The following KNL1 variants were observed in gnomAD, a reference collection of about 807,000 sequenced individuals.
KNL1 encodes the protein kinetochore scaffold 1.
In KNL1, 66 loss-of-function variants were observed where a neutral mutation model predicts 201.3. That is an observed-to-expected ratio of 0.33 (90% CI 0.27 to 0.40). The LOEUF (loss-of-function observed/expected upper bound fraction) is 0.40, where lower values mean the gene tolerates loss of function less well. Ranked by LOEUF, KNL1 falls within the 10% of genes least tolerant of loss-of-function variation. The probability of loss-of-function intolerance (pLI) is 1.00; values close to 1 mark genes in which losing one functional copy is unlikely to be tolerated. For missense variants in KNL1, 2,815 were observed against 2,690.5 expected (o/e 1.05, Z -1.02); for synonymous variants, 895 against 899.2 (o/e 1.00, Z 0.08).
chr15:40,608,214 C>T (rs1892037618), intron 4 of KNL1, among the ~76,000 whole-genome samples: 1 of 152,016 alleles, frequency 6.6e-6, no homozygotes, highest in Admixed American at 6.6e-5. Flanking sequence ...TGGCTCATGC[C>T]TGTAATCCTA....
intron 20 of KNL1, 94 bp downstream of exon 20, chr15:40,651,666 G>T: frequency 1.2e-6 from 1 of 855,758 alleles, no homozygotes. Context: ...TTAATGTGTT[G>T]CTGTTTTTAA....
intron 1 of KNL1, among the ~76,000 whole-genome samples, chr15:40,595,730 C>T (rs1008494994): frequency 1.4e-4 from 22 of 152,228 alleles, no homozygotes; most frequent in African/African-American, 5.1e-4. Flanking sequence ...GACTATGGAG[C>T]ACTTGAAATG....
chr15:40,619,938 C>A (rs1892460813), intron 9 of KNL1, among the ~76,000 whole-genome samples: 1 of 152,026 alleles, frequency 6.6e-6, no homozygotes, highest in South Asian at 2.1e-4. Flanking sequence ...ATTTCTTTTT[C>A]TTTTCCTAAT....
rs11368953 is a variant in KNL1, at chr15:40,629,471, CTTTTTT to C, written c.5682+111_5682+116del. 1.8e-4 allele frequency: 35 copies of C among 192,176 alleles called. 2 individuals carry two copies. The highest frequency in any genetic ancestry group is 1.8e-3 in the Middle Eastern group (1 of 550). 11.9% of individuals were successfully genotyped at this position (192,176 alleles called of 1,614,324 possible). Reference sequence around the variant, plus strand: ...AGCAAATTTTCCTATAGAGAGTTTTCTTTTTTTTTTTTTTTTGCCTTTTCTTTTTTT... The same window carrying C: ...AGCAAATTTTCCTATAGAGAGTTTTCTTTTTTTTTTGCCTTTTCTTTTTTT... On this transcript the variant is annotated intron_variant, in intron 13 of 25. Transcript: ENST00000399668.
chr15:40,659,127 AT>A (rs1893828108), intron 24 of KNL1, among the ~76,000 whole-genome samples: 1 of 151,490 alleles, frequency 6.6e-6, no homozygotes, highest in Non-Finnish European at 1.5e-5. Flanking sequence ...AAAATACAAA[AT>A]TTAGCTGGAT....
intron 7 of KNL1, among the ~76,000 whole-genome samples, chr15:40,612,929 A>C (rs767853244): frequency 6.6e-6 from 1 of 152,198 alleles, no homozygotes; most frequent in Non-Finnish European, 1.5e-5. Flanking sequence ...CAGAATTTTA[A>C]ATGCACATGC....
chr15:40,604,217 AGAAAATTGAGAACCAG>A (rs1891902544), intron 2 of KNL1, among the ~76,000 whole-genome samples: 1 of 73,272 alleles, frequency 1.4e-5, no homozygotes, highest in Non-Finnish European at 3.9e-5. Flanking sequence ...TTTAAGGATG[AGAAAATTGAGAACCAG>A]GAAAATTGAG....
In KNL1 at chr15:40,623,483, C is replaced by G. The variant is rs1472114082; in HGVS notation, c.3219C>G (p.Asp1073Glu). ...GAAAAAGCCTTAAGCTAAAAAATGA[C>G]AAGACCATTGTATTTTCAGAGAATC... ...QRRKSLKLKN[D>E]KTIVFSENHK... Residue 1073 changes from aspartate (D) to glutamate (E), a missense_variant, in exon 10 of 26, where the codon GAC becomes GAG. Coordinates refer to ENST00000399668, the MANE Select transcript of KNL1 (RefSeq NM_144508.5). 3.1e-6 allele frequency: 5 copies of G among 1,612,022 alleles called. No homozygotes were observed. The highest frequency in any genetic ancestry group is 4.2e-6 in the Non-Finnish European group (5 of 1,179,430).
At chr15:40,608,782 G>A in intron 4 of KNL1, 65 bp from the exon 5 acceptor site, 1 of 1,034,406 alleles carries the variant, frequency 9.7e-7, no homozygotes, top group Non-Finnish European at 1.5e-6. Context: ...TCTGTCTATA[G>A]TACTCTGGAG....
At chr15:40,611,263 C>T (rs1015775283) in intron 6 of KNL1, among the ~76,000 whole-genome samples, 1 of 151,888 alleles carries the variant, frequency 6.6e-6, no homozygotes, top group South Asian at 2.1e-4. Flanking sequence ...TGCACGCCAC[C>T]ACACCTGGCT....
chr15:40,648,593 A>G (rs1488057551), intron 17 of KNL1, among the ~76,000 whole-genome samples: 1 of 152,162 alleles, frequency 6.6e-6, no homozygotes, highest in African/African-American at 2.4e-5. Context: ...TGTCATCGGC[A>G]GCTTCAGCAT....
rs192950250 is a variant in KNL1, at chr15:40,647,319, T to C, written c.6094+245T>C. 2.8e-3 allele frequency among the ~76,000 whole-genome samples: 424 copies of C among 151,684 alleles called. 2 individuals are homozygous for C. The highest frequency in any genetic ancestry group is 6.8e-3 in the Middle Eastern group (2 of 294). ...GTGAAACCCCATCTCTACTAAAAAT[T>C]TTAAAATTAGCTGGGCGTGGTGACG... On this transcript the variant is annotated intron_variant, in intron 17 of 25. Transcript: ENST00000399668.
intron 17 of KNL1, among the ~76,000 whole-genome samples, chr15:40,648,366 A>G (rs889674497): frequency 2.6e-5 from 4 of 152,226 alleles, no homozygotes; most frequent in African/African-American, 9.6e-5. Context: ...CAGGAGGTCA[A>G]GACTACAGTG....
At chr15:40,659,997 G>T (rs60624636) in intron 25 of KNL1, among the ~76,000 whole-genome samples, 1 of 150,728 alleles carries the variant, frequency 6.6e-6, no homozygotes, top group Non-Finnish European at 1.5e-5. Context: ...TGCAACCTCT[G>T]CCTCCTGGGT....
intron 1 of KNL1, among the ~76,000 whole-genome samples, chr15:40,601,827 CAAA>C (rs368257573): frequency 1.5e-5 from 1 of 64,794 alleles, no homozygotes; most frequent in African/African-American, 6.4e-5. Context: ...GACTCCGTCT[CAAA>C]AAAAAAAAAA....
chr15:40,633,856 T>C (rs1892982957), intron 13 of KNL1, among the ~76,000 whole-genome samples: 1 of 152,004 alleles, frequency 6.6e-6, no homozygotes, highest in African/African-American at 2.4e-5. Context: ...TATTTTAGAG[T>C]ATATTCCAAC....
chr15:40,652,845 AAAATCACTATATAGGGTGG>A (rs1296948256), intron 21 of KNL1, among the ~76,000 whole-genome samples: 2 of 152,154 alleles, frequency 1.3e-5, no homozygotes, highest in Non-Finnish European at 2.9e-5. Flanking sequence ...CTAAAAGGAT[AAAATCACTATATAGGGTGG>A]AAATCACTAT....
At position 40,653,876 on chromosome 15, in the gene KNL1, T is replaced by TCCC. The variant is rs141497850; in HGVS notation, c.6416-1030_6416-1028dup. Reference sequence around the variant, plus strand: ...TGTTTCTTATGCCCGAACGCTGTTTTCCCCCACTTCACTAATGAACTCCTA... The same window carrying TCCC: ...TGTTTCTTATGCCCGAACGCTGTTTTCCCCCCCCACTTCACTAATGAACTCCTA... On this transcript the variant is annotated intron_variant, in intron 21 of 25. Coordinates refer to ENST00000399668, the MANE Select transcript of KNL1 (RefSeq NM_144508.5). 1.4e-3 allele frequency among the ~76,000 whole-genome samples: 202 copies of TCCC among 147,538 alleles called. No individual in the cohort carries two copies. The East Asian group carries it at 0.026, about 19-fold the overall frequency.
chr15:40,641,074 C>T, intron 14 of KNL1, 47 bp downstream of exon 14: 2 of 1,246,854 alleles, frequency 1.6e-6, no homozygotes, highest in Non-Finnish European at 2.3e-6. Context: ...GGGGAGGGAT[C>T]AGTTAATAGT....
Sources: allele counts gnomAD v4.1 joint callset (sites outside exome capture counted in the v4.1 genomes callset), GRCh38; gene constraint gnomAD v4.1.1; transcripts MANE v1.5; gene names NCBI Gene and HGNC (gene_info 2026-07-23, HGNC 2026-07-21).